The following CCDC7 variants were observed in gnomAD, a reference collection of about 807,000 sequenced individuals.
CCDC7 encodes coiled-coil domain containing 7.
CCDC7 carries 183 observed loss-of-function variants against 196.9 expected under a neutral mutation model. That is an observed-to-expected ratio of 0.93 (90% CI 0.82 to 1.05). The LOEUF (loss-of-function observed/expected upper bound fraction) is 1.05, where lower values mean the gene tolerates loss of function less well. Among genes scored for constraint, CCDC7 ranks in the 50% least tolerant of loss-of-function variants. CCDC7 has a pLI of 0.00. For synonymous variants in CCDC7, 525 were observed against 484.6 expected (o/e 1.08, Z -1.10); for missense variants, 1,540 against 1,482.2 (o/e 1.04, Z -0.64).
At chr10:32,785,576 A>G (rs999258909) in intron 29 of CCDC7, among the ~76,000 whole-genome samples, 12 of 152,192 alleles carry the variant, frequency 7.9e-5, no homozygotes, top group Non-Finnish European at 4.4e-5. Context: ...AAATCTGAAA[A>G]CTAAAAGTAG....
exon 24 of CCDC7, chr10:32,694,913 T>C (rs761767164): frequency 1.2e-5 from 20 of 1,601,572 alleles, no homozygotes; most frequent in Non-Finnish European, 1.7e-5. Context: ...ATCTTGTGCT[T>C]GAACATCAAG....
intron 41 of CCDC7, among the ~76,000 whole-genome samples, chr10:32,862,274 G>A (rs2094021741): frequency 1.3e-5 from 2 of 152,102 alleles, no homozygotes; most frequent in Non-Finnish European, 2.9e-5. Flanking sequence ...CAGGGACATG[G>A]ATGATGCTGG....
chr10:32,462,869 T>C (rs914970182), intron 4 of CCDC7, 148 bp from the exon 6 acceptor site: 2 of 1,336,852 alleles, frequency 1.5e-6, no homozygotes, highest in East Asian at 2.5e-5. Context: ...AGCCCCATTC[T>C]GAATCCCAAG....
At position 32,739,346 on chromosome 10, in the gene CCDC7, T is replaced by C. The variant is rs146461780; in HGVS notation, c.2905+9889T>C. ...TTATTATTTTTTCTCTTTTCAATTT[T>C]AGAAGTTTCTAATGACACGTTTTCA... On this transcript the variant is annotated intron_variant, in intron 28 of 41. Transcript: ENST00000639629. 8.7e-4 allele frequency among the ~76,000 whole-genome samples: 133 copies of C among 152,258 alleles called. 1 individual carries two copies. The highest frequency in any genetic ancestry group is 2.9e-3 in the African/African-American group (120 of 41,582).
At chr10:32,562,144 T>A (rs1201090195) in intron 13 of CCDC7, among the ~76,000 whole-genome samples, 1 of 152,130 alleles carries the variant, frequency 6.6e-6, no homozygotes, top group Non-Finnish European at 1.5e-5. Flanking sequence ...GGCTCTGAAA[T>A]TGTGGCAATA....
At chr10:32,769,298 T>G (rs2078794757) in intron 28 of CCDC7, among the ~76,000 whole-genome samples, 1 of 152,114 alleles carries the variant, frequency 6.6e-6, no homozygotes, top group Admixed American at 6.5e-5. Context: ...AGCATATAGT[T>G]ATTCATGTAC....
At chr10:32,499,033 T>C (rs996031740) in intron 9 of CCDC7, 21 of 151,784 alleles carry the variant, frequency 1.4e-4, no homozygotes, top group Admixed American at 1.2e-3. Flanking sequence ...GAATCAAATG[T>C]AGATTTAGTC....
chr10:32,719,745 A>G (rs1265197202), intron 25 of CCDC7, among the ~76,000 whole-genome samples: 1 of 152,258 alleles, frequency 6.6e-6, no homozygotes, highest in African/African-American at 2.4e-5. Context: ...GAAGACATTT[A>G]TGCAGCCAAC....
intron 28 of CCDC7, among the ~76,000 whole-genome samples, chr10:32,744,325 A>T (rs2074334011): frequency 6.6e-6 from 1 of 152,064 alleles, no homozygotes; most frequent in Non-Finnish European, 1.5e-5. Flanking sequence ...ACCGTAGCAG[A>T]AAATACTGTT....
At chr10:32,799,050 C>A (rs796601138) in intron 29 of CCDC7, among the ~76,000 whole-genome samples, 5 of 152,248 alleles carry the variant, frequency 3.3e-5, no homozygotes, top group African/African-American at 1.2e-4. Context: ...CATGTATATA[C>A]CACTTCCATT....
intron 13 of CCDC7, among the ~76,000 whole-genome samples, chr10:32,561,347 A>AT (rs917428537): frequency 2.0e-5 from 3 of 152,098 alleles, no homozygotes; most frequent in Admixed American, 6.5e-5. Flanking sequence ...CAGGATATAC[A>AT]TTTTTTTCAG....
intron 29 of CCDC7, among the ~76,000 whole-genome samples, chr10:32,784,786 G>A (rs2081578915): frequency 6.6e-6 from 1 of 151,356 alleles, no homozygotes; most frequent in East Asian, 2.0e-4. Context: ...TAGATCTCCC[G>A]AGGTCAGGAG....
chr10:32,840,831 A>G (rs992458455), intron 33 of CCDC7, among the ~76,000 whole-genome samples: 2 of 152,110 alleles, frequency 1.3e-5, no homozygotes, highest in Admixed American at 1.3e-4. Flanking sequence ...CATAACAGGT[A>G]TGCAGGGATG....
At chr10:32,643,286 C>T (rs975004492) in intron 20 of CCDC7, among the ~76,000 whole-genome samples, 1 of 152,094 alleles carries the variant, frequency 6.6e-6, no homozygotes, top group African/African-American at 2.4e-5. Flanking sequence ...GGTTATTTGC[C>T]TTAAATCCTA....
At chr10:32,511,237 G>T in intron 9 of CCDC7, 1 of 729,660 alleles carries the variant, frequency 1.4e-6, no homozygotes. Flanking sequence ...ACCTTGTCCT[G>T]CCACAGAATT....
At chr10:32,460,774 A>G (rs1430790793) in intron 3 of CCDC7, among the ~76,000 whole-genome samples, 1 of 152,122 alleles carries the variant, frequency 6.6e-6, no homozygotes, top group Non-Finnish European at 1.5e-5. Context: ...TTAGCATGCA[A>G]AGCAATCACC....
At chr10:32,604,705 C>G (rs2061396452) in intron 18 of CCDC7, among the ~76,000 whole-genome samples, 1 of 151,608 alleles carries the variant, frequency 6.6e-6, no homozygotes, top group Admixed American at 6.6e-5. Context: ...GGATTGCTTT[C>G]TTGATTTTTT....
intron 2 of CCDC7, among the ~76,000 whole-genome samples, chr10:32,454,211 A>G (rs1296203101): frequency 6.6e-6 from 1 of 152,170 alleles, no homozygotes; most frequent in Non-Finnish European, 1.5e-5. Context: ...ATTGACTGCA[A>G]AGGAGTACAG....
chr10:32,661,509 C>CA (rs2071440413), intron 20 of CCDC7, among the ~76,000 whole-genome samples: 1 of 152,188 alleles, frequency 6.6e-6, no homozygotes, highest in African/African-American at 2.4e-5. Flanking sequence ...CAGCATATCT[C>CA]AGAGTCTCAC....
Sources: gnomAD v4.1 joint callset for allele counts (sites outside exome capture counted in the v4.1 genomes callset) on GRCh38, gnomAD v4.1.1 for gene constraint, MANE v1.5 for transcripts, NCBI Gene and HGNC (gene_info 2026-07-23, HGNC 2026-07-21) for gene names.